The following GSAP variants were observed in gnomAD, a reference collection of about 807,000 sequenced individuals.
The protein encoded by GSAP is gamma-secretase activating protein, also known as gamma-secretase-activating protein.
A neutral mutation model predicts 131.7 loss-of-function variants in GSAP; 118 were observed. That is an observed-to-expected ratio of 0.90 (90% CI 0.77 to 1.04). The LOEUF (loss-of-function observed/expected upper bound fraction) is 1.04, where lower values mean the gene tolerates loss of function less well. Ranked by LOEUF, GSAP falls within the 50% of genes least tolerant of loss-of-function variation. GSAP has a pLI of 0.00. For synonymous variants in GSAP, 381 were observed against 363.4 expected (o/e 1.05, Z -0.55); for missense variants, 1,019 against 1,013.2 (o/e 1.01, Z -0.08).
At chr7:77,400,440 A>G (rs1801124979) in intron 3 of GSAP, among the ~76,000 whole-genome samples, 1 of 152,170 alleles carries the variant, frequency 6.6e-6, no homozygotes, top group Admixed American at 6.5e-5. Flanking sequence ...CTGCTGTGGT[A>G]TCAGTGGAGG....
intron 19 of GSAP, chr7:77,330,805 C>A (rs549446654): frequency 8.1e-6 from 8 of 984,780 alleles, no homozygotes; most frequent in Non-Finnish European, 9.6e-6. Flanking sequence ...AGTAGGCGTA[C>A]TTTCCTGCTA....
chr7:77,387,669 G>A (rs1798785416), intron 5 of GSAP, among the ~76,000 whole-genome samples: 1 of 152,128 alleles, frequency 6.6e-6, no homozygotes, highest in Non-Finnish European at 1.5e-5. Flanking sequence ...GACCCCAAAA[G>A]AGCAATCAGC....
At chr7:77,339,671 A>AGGAGGACAGAAACACAT (rs140725966) in intron 19 of GSAP, among the ~76,000 whole-genome samples, 22,587 of 148,818 alleles carry the variant, frequency 0.15, 2,149 homozygotes, top group East Asian at 0.43. Flanking sequence ...GGAATGTAAA[A>AGGAGGACAGAAACACAT]GGAGGACAGA....
intron 5 of GSAP, among the ~76,000 whole-genome samples, chr7:77,389,191 G>T (rs1799023160): frequency 6.6e-6 from 1 of 151,748 alleles, no homozygotes; most frequent in East Asian, 1.9e-4. Flanking sequence ...ATATTAAATA[G>T]CACGAACTGA....
At chr7:77,339,437 A>G (rs1043863292) in intron 19 of GSAP, among the ~76,000 whole-genome samples, 6 of 152,294 alleles carry the variant, frequency 3.9e-5, no homozygotes, top group Admixed American at 3.9e-4. Flanking sequence ...AGTCCCAGCA[A>G]TACACCTCTG....
chr7:77,333,447 A>G (rs1789459391), intron 19 of GSAP, among the ~76,000 whole-genome samples: 1 of 152,078 alleles, frequency 6.6e-6, no homozygotes, highest in Admixed American at 6.5e-5. Flanking sequence ...CATTGGAACC[A>G]CCTGGGTCCC....
At chr7:77,358,504 A>G (rs1268078042) in intron 14 of GSAP, among the ~76,000 whole-genome samples, 1 of 152,252 alleles carries the variant, frequency 6.6e-6, no homozygotes, top group Non-Finnish European at 1.5e-5. Context: ...CACATGTAAA[A>G]TGGATACTTC....
At chr7:77,379,938 G>A (rs182414586) in intron 8 of GSAP, 2 of 925,046 alleles carry the variant, frequency 2.2e-6, no homozygotes, top group Admixed American at 6.2e-5. Context: ...GTTTCAATTT[G>A]TTCACTTAAC....
At chr7:77,359,330 A>C (rs1794206906) in intron 14 of GSAP, among the ~76,000 whole-genome samples, 1 of 152,246 alleles carries the variant, frequency 6.6e-6, no homozygotes, top group South Asian at 2.1e-4. Flanking sequence ...ATCACCAATC[A>C]GAATTGCTGT....
At chr7:77,333,056 A>C (rs999302247) in intron 19 of GSAP, among the ~76,000 whole-genome samples, 5 of 152,180 alleles carry the variant, frequency 3.3e-5, no homozygotes, top group Non-Finnish European at 7.3e-5. Context: ...AGTCCCAGCT[A>C]CTTGGGAGGC....
chr7:77,346,128 G>T (rs1373457881), intron 19 of GSAP, among the ~76,000 whole-genome samples: 2 of 151,364 alleles, frequency 1.3e-5, no homozygotes, highest in African/African-American at 2.4e-5. Flanking sequence ...AAATTATCCG[G>T]GCATAGTGGT....
intron 11 of GSAP, among the ~76,000 whole-genome samples, chr7:77,374,725 G>A (rs907602509): frequency 6.6e-6 from 1 of 151,908 alleles, no homozygotes; most frequent in Non-Finnish European, 1.5e-5. Flanking sequence ...CAACAAAAAG[G>A]GTTTTGATGT....
chr7:77,347,906 C>A (rs917447693), intron 19 of GSAP, among the ~76,000 whole-genome samples: 1 of 151,228 alleles, frequency 6.6e-6, no homozygotes, highest in South Asian at 2.1e-4. Context: ...AATCCTAGCA[C>A]TCTAAGAGGC....
chr7:77,379,303 A>G (rs1015723727), intron 8 of GSAP, among the ~76,000 whole-genome samples: 2 of 151,402 alleles, frequency 1.3e-5, no homozygotes, highest in African/African-American at 2.4e-5. Context: ...AAAAATAGGG[A>G]TAAGCCTAAT....
intron 5 of GSAP, among the ~76,000 whole-genome samples, chr7:77,393,272 C>T (rs963157376): frequency 6.6e-6 from 1 of 152,128 alleles, no homozygotes; most frequent in Non-Finnish European, 1.5e-5. Flanking sequence ...CCAAAATATT[C>T]GTTCAAATAA....
At chr7:77,407,659 C>G (rs1802530584) in intron 1 of GSAP, among the ~76,000 whole-genome samples, 1 of 152,088 alleles carries the variant, frequency 6.6e-6, no homozygotes, top group South Asian at 2.1e-4. Context: ...CAAAAAAAAT[C>G]TGAAGCAACT....
At chr7:77,313,331 G>A (rs1255658131) in intron 28 of GSAP, among the ~76,000 whole-genome samples, 157 bp downstream of exon 28, 1 of 152,232 alleles carries the variant, frequency 6.6e-6, no homozygotes, top group Non-Finnish European at 1.5e-5. Context: ...ACAGCTAACA[G>A]AGGGCTGGGG....
chr7:77,406,103 C>A lies in GSAP; in HGVS notation c.112G>T (p.Val38Phe). 8.0e-7 allele frequency: 1 copy of A among 1,254,252 alleles called. No individual in the cohort carries two copies. 77.7% of individuals were successfully genotyped at this position (1,254,252 alleles called of 1,614,324 possible). ...AAGCTCTCATAATCGTTTTCTAAAACATCTGAAATGATAATAGGAGGTTAA... is the reference window on the plus strand; with the variant it reads ...AAGCTCTCATAATCGTTTTCTAAAAAATCTGAAATGATAATAGGAGGTTAA... ...ASGAGSGGAD[V>F]LENDYESLHV... The change falls in exon 2 of 31, where the codon GTT becomes TTT. Residue 38 changes from valine to phenylalanine, a missense_variant and splice_region_variant. Coordinates refer to ENST00000257626, the MANE Select transcript of GSAP (RefSeq NM_017439.4).
chr7:77,355,435 C>CAAAAAAAAAAAA lies in GSAP; in HGVS notation c.1121-17_1121-6dup. 7.5e-7 allele frequency: 1 copy of CAAAAAAAAAAAA among 1,337,278 alleles called. No homozygotes were observed. Among genetic ancestry groups the CAAAAAAAAAAAA allele is most frequent in the Non-Finnish European group, 1.0e-6 (1 of 967,932 alleles). 82.8% of individuals were successfully genotyped at this position (1,337,278 alleles called of 1,614,324 possible). On this transcript the variant is annotated splice_polypyrimidine_tract_variant and splice_region_variant and intron_variant, in intron 15 of 30. Coordinates refer to ENST00000257626, the MANE Select transcript of GSAP (RefSeq NM_017439.4). The stretch of plus-strand genomic sequence containing the variant: ...TATCAATCATTTCATTATTTCCTGG[C>CAAAAAAAAAAAA]AAAAAAAAAAAAAACAGTAGATCAG...
Sources: gnomAD v4.1 joint callset for allele counts (sites outside exome capture counted in the v4.1 genomes callset) on GRCh38, gnomAD v4.1.1 for gene constraint, MANE v1.5 for transcripts, NCBI Gene and HGNC (gene_info 2026-07-23, HGNC 2026-07-21) for gene names.